Variants in ZC3H14 observed in about 807,000 individuals in gnomAD.
The protein encoded by ZC3H14 is zinc finger CCCH domain-containing protein 14.
Under a neutral mutation model 92.4 loss-of-function variants are expected in ZC3H14, and 31 were observed. That is an observed-to-expected ratio of 0.34 (90% CI 0.25 to 0.45). The LOEUF (loss-of-function observed/expected upper bound fraction) is 0.45. Ranked by LOEUF, ZC3H14 falls within the 20% of genes least tolerant of loss-of-function variation. The pLI is 1.00. For missense variants in ZC3H14, 781 were observed against 897.3 expected, an observed-to-expected ratio of 0.87 and a Z score of 1.66; for synonymous variants, 321 against 300.9, an observed-to-expected ratio of 1.07 and a Z score of -0.69.
Position 88,571,110 on chromosome 14 carries a change from G to A in ZC3H14, c.221G>A (p.Arg74His), listed in dbSNP as rs950260962. The change falls in exon 4 of 17, where the codon CGC (arginine) becomes CAC (histidine). Residue 74 changes from arginine to histidine, a missense_variant. Physicochemically the swap from Arg to His is conservative, Grantham distance 29 (BLOSUM62 0). Coordinates refer to ENST00000251038, the MANE Select transcript of ZC3H14 (RefSeq NM_024824.5). ...VWLHGVLDKL[R>H]SVTTEPSSLK... ...CTTCATGGTGTATTAGATAAACTTC[G>A]CTCTGTTACAACTGGTAAGATTCAT... 1.9e-6 allele frequency: 3 copies of A among 1,575,382 alleles called. No individual in the cohort carries two copies. The highest frequency in any genetic ancestry group is 1.2e-5 in the South Asian group (1 of 83,600).
intron 12 of ZC3H14, among the ~76,000 whole-genome samples, chr14:88,604,351 C>T (rs1019042153): frequency 3.9e-5 from 6 of 152,118 alleles, no homozygotes; most frequent in African/African-American, 1.2e-4. Context: ...TTCCCTGCTG[C>T]TCAAGGATGA....
rs2079167210 is a variant in ZC3H14, at chr14:88,563,595, G to T, written c.37-56G>T. 2.5e-6 allele frequency: 4 copies of T among 1,604,874 alleles called. No individual in the cohort carries two copies. The South Asian group carries it at 4.4e-5, about 18-fold the overall frequency. ...GTGGCCTCAGCCGCTGCAGAGTCCG[G>T]TCTTGTTTTCCTAGAGCCGCCTTTC... is the stretch of plus-strand genomic sequence containing the variant. On this transcript the variant is annotated intron_variant, in intron 1 of 16. Coordinates refer to ENST00000251038, the MANE Select transcript of ZC3H14 (RefSeq NM_024824.5).
At chr14:88,570,379 A>T (rs1301791017) in intron 3 of ZC3H14, among the ~76,000 whole-genome samples, 1 of 152,200 alleles carries the variant, frequency 6.6e-6, no homozygotes, top group African/African-American at 2.4e-5. Context: ...ATTTATAACT[A>T]CCAAAACAGG....
chr14:88,565,249 C>A (rs2079415259), intron 2 of ZC3H14, among the ~76,000 whole-genome samples: 1 of 152,114 alleles, frequency 6.6e-6, no homozygotes, highest in Non-Finnish European at 1.5e-5. Flanking sequence ...TCAAGCGATT[C>A]TTTTGCCTCA....
Position 88,572,109 on chromosome 14 carries a change from A to T in ZC3H14, c.315A>T (p.Gly105=). ...CAAACAAGAGCAATTTCAGTCGGGG[A>T]GATGAGAGGAGGCATGAAGCTGCAG... The part of the protein sequence containing the change: ...VPSNKSNFSR[G]DERRHEAAVP... The change falls in exon 5 of 17, where the codon GGA becomes GGT. Residue 105 remains glycine, a synonymous_variant. Transcript: ENST00000251038. 6.2e-7 allele frequency: 1 copy of T among 1,614,098 alleles called. No homozygotes were observed. Among genetic ancestry groups the T allele is most frequent in the Admixed American group, 1.7e-5 (1 of 60,004 alleles).
chr14:88,577,639 G>A lies in ZC3H14; in HGVS notation c.1124-346G>A, dbSNP rs548263012. On this transcript the variant is annotated intron_variant, in intron 8 of 16. Coordinates refer to ENST00000251038, the MANE Select transcript of ZC3H14 (RefSeq NM_024824.5). ...CTGGAGTGCACAGTGGTGCAATCTCGGCTCACTGCAACCTCCGCCTTCCGG... is the reference window on the plus strand; with the variant it reads ...CTGGAGTGCACAGTGGTGCAATCTCAGCTCACTGCAACCTCCGCCTTCCGG... Among the ~76,000 whole-genome samples, 52 of 151,822 alleles carry A rather than the reference G, an allele frequency of 3.4e-4. 1 individual carries two copies. Among genetic ancestry groups the A allele is most frequent in the African/African-American group, 1.0e-3 (42 of 41,368 alleles).
At position 88,622,515 on chromosome 14, in the gene ZC3H14, T is replaced by C. The variant is rs1252960004; in HGVS notation, c.*10764T>C. 5 of 1,035,674 alleles carry C rather than the reference T, an allele frequency of 4.8e-6. No homozygotes were observed. The highest frequency in any genetic ancestry group is 6.8e-6 in the Non-Finnish European group (5 of 734,760). The allele number at this position is 1,035,674 out of a possible 1,614,324, so 64.2% of individuals were successfully genotyped here. Reference sequence around the variant, plus strand: ...TCCATCGTTATGCATTATTAAGTATTGTTCATTAGGCTGCAAAGGGTGAGG... The same window carrying C: ...TCCATCGTTATGCATTATTAAGTATCGTTCATTAGGCTGCAAAGGGTGAGG... On this transcript the variant is annotated 3_prime_UTR_variant, in exon 17 of 17. Transcript: ENST00000251038.
chr14:88,610,878 C>G lies in ZC3H14; in HGVS notation c.2142C>G (p.Phe714Leu). ...NTQCTRPDCT[F>L]YHPTINVPPR... ...AATGTACAAGACCGGACTGCACATT[C>G]TACCATCCCACCATTAATGTCCCAC... The change falls in exon 16 of 17, where the codon TTC (phenylalanine) becomes TTG (leucine). Residue 714 changes from phenylalanine (F) to leucine (L), a missense_variant. This residue lies in a region of ZC3H14 where 221 missense variants were observed against 304.7 expected (regional missense o/e 0.73). Coordinates refer to ENST00000251038, the MANE Select transcript of ZC3H14 (RefSeq NM_024824.5). The G allele has an allele frequency of 1.2e-6, 2 of 1,614,188 alleles. No individual in the cohort carries two copies. The highest frequency in any genetic ancestry group is 1.1e-5 in the South Asian group (1 of 91,070).
In ZC3H14 at chr14:88,572,924, T is replaced by C. The variant is rs781437856; in HGVS notation, c.778T>C (p.Leu260=). 4.3e-6 allele frequency: 7 copies of C among 1,614,182 alleles called. No homozygotes were observed. The highest frequency in any genetic ancestry group is 5.9e-6 in the Non-Finnish European group (7 of 1,180,044). ...TAGTTGGGTATATGAAACAGGACGT[T>C]TGTGTGAACCAGAGGTGCTTAACAG... The part of the protein sequence containing the change: ...QSSWVYETGR[L]CEPEVLNSLE... Residue 260 remains leucine (L), a synonymous_variant, in exon 6 of 17, where the codon TTG becomes CTG. Coordinates refer to ENST00000251038, the MANE Select transcript of ZC3H14 (RefSeq NM_024824.5).
intron 9 of ZC3H14, among the ~76,000 whole-genome samples, chr14:88,583,828 A>G (rs1264875676): frequency 6.6e-6 from 1 of 152,204 alleles, no homozygotes; most frequent in Non-Finnish European, 1.5e-5. Context: ...ATAAAGCTCT[A>G]CTGTTAACAT....
rs1390198792 is a variant in ZC3H14, at chr14:88,574,759, C to G, written c.928C>G (p.His310Asp). The change falls in exon 7 of 17, where the codon CAT (histidine) becomes GAT (aspartate). Residue 310 changes from histidine to aspartate, a missense_variant. Physicochemically the swap from His to Asp is moderately conservative, Grantham distance 81. This residue lies in a region of ZC3H14 where 454 missense variants were observed against 438.5 expected (regional missense o/e 1.04). Transcript: ENST00000251038. Reference protein sequence around the residue: ...SSVVKVKKFNHDGEEEEEDDD... With the variant: ...SSVVKVKKFNDDGEEEEEDDD... ...AGTTGTTAAAGTAAAAAAATTCAAT[C>G]ATGATGGAGAAGAGGAGGAAGAAGA... The G allele has an allele frequency of 6.2e-7, 1 of 1,614,032 alleles. No homozygotes were observed. The highest frequency in any genetic ancestry group is 8.5e-7 in the Non-Finnish European group (1 of 1,180,002).
In ZC3H14 at chr14:88,622,913, G is replaced by A. The variant is rs1335680785; in HGVS notation, c.*11162G>A. On this transcript the variant is annotated 3_prime_UTR_variant, in exon 17 of 17. Transcript: ENST00000251038. ...ATATCTCAGTCAAAATAAACATCCA[G>A]TTTCAGTGAATTTTATTTTGAGAAA... 9.8e-6 allele frequency: 4 copies of A among 406,880 alleles called. No individual in the cohort carries two copies. The highest frequency in any genetic ancestry group is 1.7e-5 in the Non-Finnish European group (4 of 231,286). 25.2% of individuals were successfully genotyped at this position (406,880 alleles called of 1,614,324 possible). A position where few individuals can be genotyped will look rare whatever the true frequency, so the allele number is the denominator to read the frequency against.
chr14:88,583,929 A>G (rs1260356456), intron 9 of ZC3H14, among the ~76,000 whole-genome samples: 1 of 152,172 alleles, frequency 6.6e-6, no homozygotes, highest in Non-Finnish European at 1.5e-5. Flanking sequence ...TGACAGATTT[A>G]TCTTAATTTC....
chr14:88,627,325 A>G lies in ZC3H14; in HGVS notation c.*15574A>G, dbSNP rs1016109714. ...TGCTGATCTGCCATTATCATTAGAAATATACATAATTTTCATAAGAATCTC... is the reference window on the plus strand; with the variant it reads ...TGCTGATCTGCCATTATCATTAGAAGTATACATAATTTTCATAAGAATCTC... On this transcript the variant is annotated 3_prime_UTR_variant, in exon 17 of 17. Coordinates refer to ENST00000251038, the MANE Select transcript of ZC3H14 (RefSeq NM_024824.5). 4 of 468,310 alleles carry G rather than the reference A, an allele frequency of 8.5e-6. No homozygotes were observed. The highest frequency in any genetic ancestry group is 7.5e-5 in the Admixed American group (2 of 26,634). 29.0% of individuals were successfully genotyped at this position (468,310 alleles called of 1,614,324 possible). A position where few individuals can be genotyped will look rare whatever the true frequency, so the allele number is the denominator to read the frequency against.
chr14:88,616,920 C>T lies in ZC3H14; in HGVS notation c.*5169C>T, dbSNP rs754307634. On this transcript the variant is annotated 3_prime_UTR_variant, in exon 17 of 17. Transcript: ENST00000251038. ...AAAAGAAAACTCATCATGGCAAGTG[C>T]GGGCAGGTTGACTATATTCAAAAAG... The T allele has an allele frequency of 6.3e-6, 10 of 1,595,330 alleles. No homozygotes were observed. The highest frequency in any genetic ancestry group is 3.4e-5 in the South Asian group (3 of 88,262).
At chr14:88,608,725 T>G (rs999576990) in intron 13 of ZC3H14, 1 of 160,184 alleles carries the variant, frequency 6.2e-6, no homozygotes, top group Non-Finnish European at 1.4e-5. Flanking sequence ...AATGAAAACA[T>G]TTTGGACTTG....
chr14:88,591,450 A>T (rs960626230), intron 9 of ZC3H14: 10 of 152,190 alleles, frequency 6.6e-5, no homozygotes, highest in African/African-American at 2.4e-4. Context: ...AAAATAAAAT[A>T]AAAAAAGAAC....
chr14:88,615,476 G>T lies in ZC3H14; in HGVS notation c.*3725G>T. 1 of 232,822 alleles carries T rather than the reference G, an allele frequency of 4.3e-6. No individual in the cohort carries two copies. Among genetic ancestry groups the T allele is most frequent in the Non-Finnish European group, 8.3e-6 (1 of 121,022 alleles). The allele number at this position is 232,822 out of a possible 1,614,324, so 14.4% of individuals were successfully genotyped here. On this transcript the variant is annotated 3_prime_UTR_variant, in exon 17 of 17. Transcript: ENST00000251038. ...AAAGATAATGAAAATTATCCAAATT[G>T]GGTTTTTGAGTTCTTCTGTAAAGAG...
chr14:88,575,109 G>A (rs1021788658), intron 7 of ZC3H14, among the ~76,000 whole-genome samples: 6 of 152,212 alleles, frequency 3.9e-5, no homozygotes, highest in Admixed American at 2.6e-4. Flanking sequence ...GCTAATTTTT[G>A]TATTTTTAGT....
Sources: allele counts gnomAD v4.1 joint callset (sites outside exome capture counted in the v4.1 genomes callset), GRCh38; gene constraint gnomAD v4.1.1; regional missense constraint gnomAD v4.1.1; transcripts MANE v1.5; gene names NCBI Gene and HGNC (gene_info 2026-07-23, HGNC 2026-07-21).